The following HAUS3 variants were observed in gnomAD, a reference collection of about 807,000 sequenced individuals.
HAUS3 encodes HAUS augmin-like complex subunit 3.
A neutral mutation model predicts 55.2 loss-of-function variants in HAUS3; 36 were observed. That is an observed-to-expected ratio of 0.65 (90% CI 0.50 to 0.86). The LOEUF is 0.86. Among genes scored for constraint, HAUS3 ranks in the 40% least tolerant of loss-of-function variants. HAUS3 has a pLI of 0.00. For missense variants in HAUS3, 752 were observed against 671.5 expected, an observed-to-expected ratio of 1.12 and a Z score of -1.33; for synonymous variants, 234 against 238.6, an observed-to-expected ratio of 0.98 and a Z score of 0.18.
chr4:2,234,831 C>T (rs76988476), intron 5 of HAUS3, among the ~76,000 whole-genome samples: 6,201 of 152,190 alleles, frequency 0.041, 461 homozygotes, highest in African/African-American at 0.14. Context: ...CTGGATATAA[C>T]TTATAAAATA....
chr4:2,231,688 T>C lies in HAUS3; in HGVS notation c.*239A>G, dbSNP rs988645434. On this transcript the variant is annotated 3_prime_UTR_variant, in exon 6 of 6. Transcript: ENST00000443786. Reference sequence around the variant, plus strand: ...TATTTGCATTATGTAATAATGCTTTTTCCCTGTAAGTAAAAAATTACCAGG... The same window carrying C: ...TATTTGCATTATGTAATAATGCTTTCTCCCTGTAAGTAAAAAATTACCAGG... The C allele has an allele frequency of 2.6e-5, 8 of 303,346 alleles. No individual in the cohort carries two copies. In the Admixed American group the frequency reaches 4.2e-4, roughly 16 times the overall value. The allele number at this position is 303,346 out of a possible 1,614,324, so 18.8% of individuals were successfully genotyped here. A position where few individuals can be genotyped will look rare whatever the true frequency, so the allele number is the denominator to read the frequency against.
In HAUS3 at chr4:2,240,821, C is replaced by A. The variant is rs1734957841; in HGVS notation, c.126G>T (p.Trp42Cys). The A allele has an allele frequency of 1.2e-6, 2 of 1,613,840 alleles. No individual in the cohort carries two copies. The highest frequency in any genetic ancestry group is 2.2e-5 in the South Asian group (2 of 91,066). Residue 42 changes from tryptophan (W) to cysteine (C), a missense_variant, in exon 3 of 6, where the codon TGG (tryptophan) becomes TGT (cysteine). Coordinates refer to ENST00000443786, the MANE Select transcript of HAUS3 (RefSeq NM_001303143.2). Reference sequence around the variant, plus strand: ...TCTGTTCATTCACATTCCCACAAAACCACTTCAGAAACGATTCATCTTCAA... The same window carrying A: ...TCTGTTCATTCACATTCCCACAAAAACACTTCAGAAACGATTCATCTTCAA... The part of the protein sequence containing the change: ...EGVEDESFLK[W>C]FCGNVNEQNV...
At chr4:2,239,768 A>G (rs1243468200) in intron 3 of HAUS3, among the ~76,000 whole-genome samples, 1 of 152,214 alleles carries the variant, frequency 6.6e-6, no homozygotes, top group Non-Finnish European at 1.5e-5. Context: ...CATTACACAA[A>G]TTTAAAATTC....
chr4:2,242,110 G>C lies in HAUS3; in HGVS notation c.-478C>G. 1.0e-6 allele frequency: 1 copy of C among 985,908 alleles called. No individual in the cohort carries two copies. The highest frequency in any genetic ancestry group is 1.2e-6 in the Non-Finnish European group (1 of 830,264). The allele number at this position is 985,908 out of a possible 1,614,324, so 61.1% of individuals were successfully genotyped here. On this transcript the variant is annotated 5_prime_UTR_variant, in exon 1 of 6. Transcript: ENST00000443786. ...GCCGCCACCGCCCTCCGTGCCCCGC[G>C]CGCCTCGCACTGCCTCACGGGAGCG...
chr4:2,241,737 G>A lies in HAUS3; in HGVS notation c.-365C>T. 5 of 985,496 alleles carry A rather than the reference G, an allele frequency of 5.1e-6. No homozygotes were observed. The highest frequency in any genetic ancestry group is 6.0e-6 in the Non-Finnish European group (5 of 829,950). 61.0% of individuals were successfully genotyped at this position (985,496 alleles called of 1,614,324 possible). A position where few individuals can be genotyped will look rare whatever the true frequency, so the allele number is the denominator to read the frequency against. ...CCCAAGGCCGCGATACACCAGACGC[G>A]CCAGCGGCAAAACCTTCCTTCGGAG... is the stretch of plus-strand genomic sequence containing the variant. On this transcript the variant is annotated 5_prime_UTR_variant, in exon 2 of 6. Transcript: ENST00000443786.
At chr4:2,238,428 GC>G (rs1577801218) in intron 4 of HAUS3, among the ~76,000 whole-genome samples, 175 bp downstream of exon 4, 1 of 143,718 alleles carries the variant, frequency 7.0e-6, no homozygotes, top group African/African-American at 2.6e-5. Flanking sequence ...GGAAAAGGCA[GC>G]AAAAAAACTA....
At chr4:2,241,438 G>A in intron 2 of HAUS3, 82 bp downstream of exon 2, 1 of 930,554 alleles carries the variant, frequency 1.1e-6, no homozygotes, top group Non-Finnish European at 1.3e-6. Context: ...AGGAGGCTAG[G>A]CAGCCTCTCT....
rs1386989009 is a variant in HAUS3, at chr4:2,229,035, T to TA, written c.*2891dup. The TA allele has an allele frequency of 6.8e-7, 1 of 1,465,982 alleles. No individual in the cohort carries two copies. The highest frequency in any genetic ancestry group is 1.3e-5 in the South Asian group (1 of 77,932). 90.8% of individuals were successfully genotyped at this position (1,465,982 alleles called of 1,614,324 possible). On this transcript the variant is annotated 3_prime_UTR_variant, in exon 6 of 6. Coordinates refer to ENST00000443786, the MANE Select transcript of HAUS3 (RefSeq NM_001303143.2). The stretch of plus-strand genomic sequence containing the variant: ...CTACATGCATTCCATTTTCAATTCT[T>TA]AGTCTTTAGAACAATTAACATTCAA...
chr4:2,232,026 T>A lies in HAUS3; in HGVS notation c.1713A>T (p.Glu571Asp). 6.6e-7 allele frequency: 1 copy of A among 1,511,792 alleles called. No individual in the cohort carries two copies. The highest frequency in any genetic ancestry group is 9.1e-7 in the Non-Finnish European group (1 of 1,093,278). The allele number at this position is 1,511,792 out of a possible 1,614,324, so 93.6% of individuals were successfully genotyped here. A position where few individuals can be genotyped will look rare whatever the true frequency, so the allele number is the denominator to read the frequency against. Residue 571 changes from glutamate to aspartate, a missense_variant, in exon 6 of 6, where the codon GAA becomes GAT. By Grantham distance (45) the Glu-to-Asp change is conservative. Transcript: ENST00000443786. The stretch of plus-strand genomic sequence containing the variant: ...CATCTTTTAAAAAATATACATAGAA[T>A]TCTCTTTCCATTTGATGTAATTTAT... ...ANNKLHQMER[E>D]FYVYFLKDED...
Position 2,231,930 on chromosome 4 carries a change from A to G in HAUS3, c.1809T>C (p.Asp603=), listed in dbSNP as rs145249867. Residue 603 remains aspartate (D), a synonymous_variant, in exon 6 of 6, where the codon GAT becomes GAC. Transcript: ENST00000443786. Reference sequence around the variant, plus strand: ...AAGATTCAGTTTTCAGTAATTTTCAATCTTCAAGACTAACAGCCTTAATCT... The same window carrying G: ...AAGATTCAGTTTTCAGTAATTTTCAGTCTTCAAGACTAACAGCCTTAATCT... ...QSKIKAVSLE[D] 36 of 1,267,480 alleles carry G rather than the reference A, an allele frequency of 2.8e-5. No homozygotes were observed. Among genetic ancestry groups the G allele is most frequent in the Admixed American group, 4.3e-5 (2 of 46,490 alleles). The allele number at this position is 1,267,480 out of a possible 1,614,324, so 78.5% of individuals were successfully genotyped here. A position where few individuals can be genotyped will look rare whatever the true frequency, so the allele number is the denominator to read the frequency against.
chr4:2,238,533 C>A, intron 4 of HAUS3, 71 bp downstream of exon 4: 1 of 1,012,438 alleles, frequency 9.9e-7, no homozygotes, highest in Non-Finnish European at 1.4e-6. Flanking sequence ...AAAATTTTAG[C>A]TCAAACTCTC....
chr4:2,232,096 T>A lies in HAUS3; in HGVS notation c.1643A>T (p.Asp548Val), dbSNP rs781195640. Residue 548 changes from aspartate to valine, a missense_variant, in exon 6 of 6, where the codon GAT becomes GTT. Physicochemically the swap from Asp to Val is radical, Grantham distance 152. Coordinates refer to ENST00000443786, the MANE Select transcript of HAUS3 (RefSeq NM_001303143.2). Reference protein sequence around the residue: ...QLNKLNHLLTDILADVKTKRK... With the variant: ...QLNKLNHLLTVILADVKTKRK... ...TTTTGTCTTCACATCAGCAAGAATA[T>A]CAGTGAGGAGATGATTTAGCTTATT... The A allele has an allele frequency of 6.2e-7, 1 of 1,603,882 alleles. No homozygotes were observed. The highest frequency in any genetic ancestry group is 8.5e-7 in the Non-Finnish European group (1 of 1,175,744).
chr4:2,241,943 C>T, intron 1 of HAUS3, 108 bp downstream of exon 1: 1 of 985,500 alleles, frequency 1.0e-6, no homozygotes, highest in Non-Finnish European at 1.2e-6. Context: ...CTGGAAGGAG[C>T]CCCCAGGAGC....
intron 5 of HAUS3, among the ~76,000 whole-genome samples, chr4:2,235,249 AT>A (rs1209869077): frequency 3.3e-5 from 5 of 152,260 alleles, no homozygotes; most frequent in Non-Finnish European, 7.3e-5. Flanking sequence ...CGCAGTGGAA[AT>A]TTTTACACAA....
chr4:2,242,101 G>T lies in HAUS3; in HGVS notation c.-469C>A. On this transcript the variant is annotated 5_prime_UTR_variant, in exon 1 of 6. Coordinates refer to ENST00000443786, the MANE Select transcript of HAUS3 (RefSeq NM_001303143.2). ...CAGGAGCCCGCCGCCACCGCCCTCC[G>T]TGCCCCGCGCGCCTCGCACTGCCTC... 1 of 985,890 alleles carries T rather than the reference G, an allele frequency of 1.0e-6. No homozygotes were observed. Among genetic ancestry groups the T allele is most frequent in the Non-Finnish European group, 1.2e-6 (1 of 830,266 alleles). The allele number at this position is 985,890 out of a possible 1,614,324, so 61.1% of individuals were successfully genotyped here.
intron 4 of HAUS3, 149 bp from the exon 5 acceptor site, chr4:2,236,605 T>C: frequency 1.6e-6 from 1 of 624,458 alleles, no homozygotes; most frequent in Admixed American, 2.9e-5. Flanking sequence ...ACGCCTGTAA[T>C]CCTAGCACTT....
At position 2,236,325 on chromosome 4, in the gene HAUS3, T is replaced by G; in HGVS notation, c.1481A>C (p.Gln494Pro). The change falls in exon 5 of 6, where the codon CAA (glutamine) becomes CCA (proline). Residue 494 changes from glutamine to proline, a missense_variant. Physicochemically the swap from Gln to Pro is moderately conservative, Grantham distance 76. Transcript: ENST00000443786. ...LVQDQLAVSA[Q>P]EHSFFLSKRN... is the part of the protein sequence containing the mutation. ...TTTGGACAGAAAGAAAGAATGTTCTTGAGCAGATACTGCCAACTGATCTTG... is the reference window on the plus strand; with the variant it reads ...TTTGGACAGAAAGAAAGAATGTTCTGGAGCAGATACTGCCAACTGATCTTG... 2.5e-6 allele frequency: 4 copies of G among 1,613,640 alleles called. No homozygotes were observed. The highest frequency in any genetic ancestry group is 3.4e-6 in the Non-Finnish European group (4 of 1,179,634).
chr4:2,238,741 T>C lies in HAUS3; in HGVS notation c.1212A>G (p.Gln404=), dbSNP rs1560105714. 1 of 1,613,870 alleles carries C rather than the reference T, an allele frequency of 6.2e-7. No homozygotes were observed. The highest frequency in any genetic ancestry group is 8.5e-7 in the Non-Finnish European group (1 of 1,179,852). ...TAAGTTCTTGAACCAAATTTTCAAG[T>C]TGACGATATATGTCCCGATGCTTTC... The part of the protein sequence containing the change: ...ELRKHRDIYR[Q]LENLVQELSQ... Residue 404 remains glutamine, a synonymous_variant, in exon 4 of 6, where the codon CAA becomes CAG. Coordinates refer to ENST00000443786, the MANE Select transcript of HAUS3 (RefSeq NM_001303143.2).
At chr4:2,234,520 C>G (rs1186198464) in intron 5 of HAUS3, 1 of 153,792 alleles carries the variant, frequency 6.5e-6, no homozygotes, top group Non-Finnish European at 1.5e-5. Flanking sequence ...CCCCACCTTT[C>G]CTCTGTTCTC....
Sources: gnomAD v4.1 joint callset for allele counts (sites outside exome capture counted in the v4.1 genomes callset) on GRCh38, gnomAD v4.1.1 for gene constraint, MANE v1.5 for transcripts, NCBI Gene and HGNC (gene_info 2026-07-23, HGNC 2026-07-21) for gene names.